The following MUC13 variants were observed in gnomAD, a reference collection of about 807,000 sequenced individuals.
MUC13 encodes mucin 13, cell surface associated.
A neutral mutation model predicts 48.3 loss-of-function variants in MUC13; 32 were observed. The observed-to-expected ratio is 0.66, with a 90% CI of 0.50 to 0.89. The LOEUF is 0.89. Ranked by LOEUF, MUC13 falls within the 40% of genes least tolerant of loss-of-function variation. The pLI is 0.00. For synonymous variants in MUC13, 199 were observed against 224.9 expected (o/e 0.88, Z 1.03); for missense variants, 571 against 622.8 (o/e 0.92, Z 0.88).
chr3:124,908,059 G>C (rs1935347489), intron 11 of MUC13, 88 bp downstream of exon 11: 1 of 1,299,512 alleles, frequency 7.7e-7, no homozygotes. Context: ...CTGCGGGGCA[G>C]CCAAGGATTG....
chr3:124,931,706 C>A (rs1248452318), intron 1 of MUC13, among the ~76,000 whole-genome samples: 1 of 151,062 alleles, frequency 6.6e-6, no homozygotes, highest in African/African-American at 2.4e-5. Flanking sequence ...TGAGATAGTG[C>A]CATTGCACTC....
At chr3:124,914,521 C>T (rs1271386323) in intron 6 of MUC13, among the ~76,000 whole-genome samples, 1 of 152,174 alleles carries the variant, frequency 6.6e-6, no homozygotes, top group Non-Finnish European at 1.5e-5. Flanking sequence ...AACTGAGCCT[C>T]CTTCATCACC....
At chr3:124,922,449 T>A in intron 3 of MUC13, 146 bp from the exon 4 acceptor site, 4 of 1,043,938 alleles carry the variant, frequency 3.8e-6, no homozygotes, top group Non-Finnish European at 5.3e-6. Flanking sequence ...AAGTTACCCA[T>A]CATCCTGCCC....
chr3:124,927,768 T>C lies in MUC13; in HGVS notation c.278A>G (p.His93Arg). 2 of 1,606,628 alleles carry C rather than the reference T, an allele frequency of 1.2e-6. No individual in the cohort carries two copies. The highest frequency in any genetic ancestry group is 1.7e-6 in the Non-Finnish European group (2 of 1,175,770). Residue 93 changes from histidine to arginine, a missense_variant, in exon 2 of 12, where the codon CAT becomes CGT. By Grantham distance (29) the His-to-Arg change is conservative. Transcript: ENST00000616727. Reference protein sequence around the residue: ...PTPAPPIISTHSSSTIPIPTA... With the variant: ...PTPAPPIISTRSSSTIPIPTA... ...AGGTATAGGAATTGTGGAGGAACTATGTGTACTAATTATGGGGGGAGCAGG... is the reference window on the plus strand; with the variant it reads ...AGGTATAGGAATTGTGGAGGAACTACGTGTACTAATTATGGGGGGAGCAGG...
intron 8 of MUC13, 181 bp from the exon 9 acceptor site, chr3:124,912,322 T>C (rs1406967321): frequency 1.2e-5 from 10 of 868,642 alleles, no homozygotes; most frequent in African/African-American, 1.7e-5. Flanking sequence ...CCACCTTCCA[T>C]GGGGTTCTGG....
At chr3:124,907,338 C>G (rs1376630946) in intron 11 of MUC13, among the ~76,000 whole-genome samples, 1 of 152,108 alleles carries the variant, frequency 6.6e-6, no homozygotes, top group Non-Finnish European at 1.5e-5. Context: ...GACTGATGCC[C>G]AGTTCAGTGG....
chr3:124,913,001 T>A, intron 8 of MUC13, 110 bp downstream of exon 8: 15 of 999,182 alleles, frequency 1.5e-5, no homozygotes, highest in Admixed American at 2.5e-5. Flanking sequence ...TCTACCAACC[T>A]ATGACAGCTT....
intron 10 of MUC13, among the ~76,000 whole-genome samples, chr3:124,909,764 C>T (rs1348100973): frequency 6.6e-6 from 1 of 151,984 alleles, no homozygotes; most frequent in Non-Finnish European, 1.5e-5. Context: ...GAGTCCTGGA[C>T]AGGGAAGTGA....
Position 124,913,179 on chromosome 3 carries a change from C to A in MUC13, c.1146G>T (p.Lys382Asn), listed in dbSNP as rs1935453592. The A allele has an allele frequency of 6.2e-7, 1 of 1,614,042 alleles. No homozygotes were observed. Among genetic ancestry groups the A allele is most frequent in the Non-Finnish European group, 8.5e-7 (1 of 1,180,032 alleles). The change falls in exon 8 of 12, where the codon AAG becomes AAT. Residue 382 changes from lysine (K) to asparagine (N), a missense_variant. Transcript: ENST00000616727. ...NAQHKQCLIK[K>N]SGGAPECACV... The stretch of plus-strand genomic sequence containing the variant: ...ACGCACACTCAGGGGCCCCACCACT[C>A]TTCTTTATTAAGCATTGCTTGTGCT...
At chr3:124,922,591 CTTT>C (rs1242125220) in intron 3 of MUC13, among the ~76,000 whole-genome samples, 10 of 85,432 alleles carry the variant, frequency 1.2e-4, no homozygotes, top group Non-Finnish European at 1.6e-4. Context: ...GTTGCCTAGT[CTTT>C]TTTTTTTTTT....
chr3:124,920,652 A>C (rs568489457), intron 4 of MUC13, among the ~76,000 whole-genome samples: 2 of 152,300 alleles, frequency 1.3e-5, no homozygotes, highest in East Asian at 3.9e-4. Flanking sequence ...ATCTAATCTG[A>C]TCTCTGAAGA....
intron 5 of MUC13, 150 bp downstream of exon 5, chr3:124,920,084 C>A (rs1178408321): frequency 5.4e-6 from 4 of 734,708 alleles, no homozygotes; most frequent in South Asian, 5.2e-5. Context: ...GGCACACAGT[C>A]CCCTTTGCAG....
intron 2 of MUC13, among the ~76,000 whole-genome samples, chr3:124,925,370 G>A (rs373215860): frequency 1.2e-4 from 18 of 152,312 alleles, no homozygotes; most frequent in African/African-American, 4.3e-4. Flanking sequence ...AATAGTGGAT[G>A]CATGCCATTA....
intron 6 of MUC13, among the ~76,000 whole-genome samples, chr3:124,914,150 G>T (rs1579363588): frequency 6.6e-6 from 1 of 152,150 alleles, no homozygotes. Context: ...GGTGGCTCAC[G>T]TCTGTAATCT....
Position 124,920,200 on chromosome 3 carries a change from C to T in MUC13, c.800+34G>A, listed in dbSNP as rs751698110. On this transcript the variant is annotated intron_variant, in intron 5 of 11. Coordinates refer to ENST00000616727, the MANE Select transcript of MUC13 (RefSeq NM_033049.4). The stretch of plus-strand genomic sequence containing the variant: ...GAAGCTCGGAAGTTAGACAGACACA[C>T]ATCTGCCTCCAAAATTGTCCATAAC... The T allele has an allele frequency of 7.6e-6, 12 of 1,574,908 alleles. No individual in the cohort carries two copies. In the South Asian group the frequency reaches 1.1e-4, roughly 15 times the overall value.
At chr3:124,928,661 T>A (rs762424098) in intron 1 of MUC13, among the ~76,000 whole-genome samples, 1 of 152,198 alleles carries the variant, frequency 6.6e-6, no homozygotes, top group Non-Finnish European at 1.5e-5. Context: ...GGATTGCAGA[T>A]GTGACCCACC....
chr3:124,916,626 G>A (rs1442196545), intron 5 of MUC13, 146 bp from the exon 6 acceptor site: 4 of 795,274 alleles, frequency 5.0e-6, no homozygotes, highest in African/African-American at 3.5e-5. Context: ...GGAGGCCGGG[G>A]GCTGCAAAAA....
intron 5 of MUC13, 48 bp from the exon 6 acceptor site, chr3:124,916,528 A>G: frequency 6.5e-7 from 1 of 1,546,956 alleles, no homozygotes; most frequent in Non-Finnish European, 8.8e-7. Flanking sequence ...CTGAAGAATC[A>G]ACAAATAATT....
At chr3:124,916,578 G>T in intron 5 of MUC13, 98 bp from the exon 6 acceptor site, 1 of 1,305,490 alleles carries the variant, frequency 7.7e-7, no homozygotes, top group Non-Finnish European at 1.1e-6. Flanking sequence ...CCCTAGTCCT[G>T]ACCCGCTGTC....
Sources: gnomAD v4.1 joint callset for allele counts (sites outside exome capture counted in the v4.1 genomes callset) on GRCh38, gnomAD v4.1.1 for gene constraint, MANE v1.5 for transcripts, NCBI Gene and HGNC (gene_info 2026-07-23, HGNC 2026-07-21) for gene names.